The following HEXB variants were observed in gnomAD, a reference collection of about 807,000 sequenced individuals.
The protein encoded by HEXB is beta-hexosaminidase subunit beta.
A neutral mutation model predicts 71.2 loss-of-function variants in HEXB; 51 were observed. The observed-to-expected ratio is 0.72, with a 90% CI of 0.57 to 0.90. The LOEUF (loss-of-function observed/expected upper bound fraction) is 0.90. Ranked by LOEUF, HEXB falls within the 40% of genes least tolerant of loss-of-function variation. The probability of loss-of-function intolerance (pLI) is 0.00; values close to 1 mark genes in which losing one functional copy is unlikely to be tolerated. For synonymous variants in HEXB, 266 were observed against 249.3 expected, an observed-to-expected ratio of 1.07 and a Z score of -0.63; for missense variants, 617 against 677.0, an observed-to-expected ratio of 0.91 and a Z score of 0.98.
At chr5:74,655,457 C>T (rs1014721284) in intron 1 of HEXB, among the ~76,000 whole-genome samples, 3 of 151,514 alleles carry the variant, frequency 2.0e-5, no homozygotes, top group South Asian at 2.1e-4. Flanking sequence ...AGATTACAGG[C>T]CTGCACCACA....
intron 1 of HEXB, among the ~76,000 whole-genome samples, chr5:74,659,982 T>C (rs1243702301): frequency 6.6e-6 from 1 of 151,938 alleles, no homozygotes; most frequent in African/African-American, 2.4e-5. Flanking sequence ...ACTGATGGAA[T>C]GGAGAGGATT....
rs1748939383 is a variant in HEXB, at chr5:74,689,183, T to A, written c.300-145T>A. The A allele has an allele frequency of 4.3e-6, 3 of 698,656 alleles. No homozygotes were observed. The African/African-American group carries it at 5.3e-5, about 12-fold the overall frequency. 43.3% of individuals were successfully genotyped at this position (698,656 alleles called of 1,614,324 possible). The stretch of plus-strand genomic sequence containing the variant: ...CAAAAAACTTCCCAAGTGATTCTAA[T>A]GTACAGCTTGGGGTGAGAATCTCTA... On this transcript the variant is annotated intron_variant, in intron 1 of 13. Coordinates refer to ENST00000261416, the MANE Select transcript of HEXB (RefSeq NM_000521.4).
At chr5:74,719,998 G>A (rs867139978) in intron 11 of HEXB, 2 of 184,864 alleles carry the variant, frequency 1.1e-5, no homozygotes, top group South Asian at 2.2e-4. Flanking sequence ...ATGCCAAGAG[G>A]TAGAAATTAA....
intron 2 of HEXB, among the ~76,000 whole-genome samples, chr5:74,692,349 A>G (rs969915769): frequency 9.9e-5 from 15 of 151,944 alleles, no homozygotes; most frequent in Middle Eastern, 3.4e-3. Flanking sequence ...AAAAAAAAAA[A>G]AAAGAAAGAG....
chr5:74,672,524 G>C (rs1478396716), intron 1 of HEXB, among the ~76,000 whole-genome samples: 4 of 152,200 alleles, frequency 2.6e-5, no homozygotes, highest in Admixed American at 6.5e-5. Context: ...CTCTGACAGA[G>C]AGCAGAACCA....
At chr5:74,655,889 T>C (rs1219652492) in intron 1 of HEXB, among the ~76,000 whole-genome samples, 2 of 152,180 alleles carry the variant, frequency 1.3e-5, no homozygotes, top group Non-Finnish European at 2.9e-5. Flanking sequence ...CAGCTGTCAG[T>C]AGCAAATTTG....
chr5:74,718,788 C>T lies in HEXB; in HGVS notation c.1243-9C>T, dbSNP rs771008510. The T allele has an allele frequency of 6.8e-6, 11 of 1,613,492 alleles. No homozygotes were observed. Among genetic ancestry groups the T allele is most frequent in the Admixed American group, 1.7e-5 (1 of 60,000 alleles). On this transcript the variant is annotated splice_polypyrimidine_tract_variant and intron_variant, in intron 10 of 13. Transcript: ENST00000261416. The stretch of plus-strand genomic sequence containing the variant: ...TAATAATATGTATTGCAATTTGTAA[C>T]GTTAATAGCTTGCGCCGGGCACAAT...
chr5:74,699,584 C>G (rs964068276), intron 5 of HEXB, among the ~76,000 whole-genome samples: 2 of 152,032 alleles, frequency 1.3e-5, no homozygotes, highest in Admixed American at 6.6e-5. Flanking sequence ...CTTTGCTACT[C>G]TTTTAACAGT....
upstream of HEXB, among the ~76,000 whole-genome samples, chr5:74,683,955 G>A (rs1426701121): frequency 6.6e-6 from 1 of 151,786 alleles, no homozygotes; most frequent in Non-Finnish European, 1.5e-5. Context: ...TGAGTAGCTG[G>A]GATTACAGGC....
chr5:74,679,798 CAAAAAAAAAAAAA>C (rs70976121), intron 1 of HEXB, among the ~76,000 whole-genome samples: 7 of 38,890 alleles, frequency 1.8e-4, no homozygotes, highest in South Asian at 1.7e-3. Flanking sequence ...GACTCCGTCT[CAAAAAAAAAAAAA>C]AAAAAAAAAA....
intron 1 of HEXB, among the ~76,000 whole-genome samples, chr5:74,672,818 C>A (rs1346571531): frequency 1.3e-5 from 2 of 152,170 alleles, no homozygotes; most frequent in African/African-American, 2.4e-5. Flanking sequence ...ATATACAAGA[C>A]AAATCGTAGA....
At position 74,697,008 on chromosome 5, in the gene HEXB, G is replaced by T; in HGVS notation, c.571G>T (p.Glu191Ter). 1 of 1,551,172 alleles carries T rather than the reference G, an allele frequency of 6.4e-7. No individual in the cohort carries two copies. The highest frequency in any genetic ancestry group is 1.7e-5 in the Admixed American group (1 of 59,922). Residue 191 changes from glutamate to a stop codon, truncating the protein, a stop_gained, in exon 5 of 14, where the codon GAA (glutamate) becomes TAA (stop). Coordinates refer to ENST00000261416, the MANE Select transcript of HEXB (RefSeq NM_000521.4). LOFTEE classifies it high-confidence loss of function. ...TATTTTGTCATAGTTCACCATCAAT[G>T]AATCCACCATTATTGATTCTCCAAG... The part of the protein sequence containing the change: ...QDSYGTFTIN[E>*]STIIDSPRFS...
chr5:74,682,747 G>A (rs934032192), upstream of HEXB, among the ~76,000 whole-genome samples: 2 of 152,174 alleles, frequency 1.3e-5, no homozygotes, highest in Non-Finnish European at 2.9e-5. Context: ...ATAAGAATAG[G>A]GGAGAATAGT....
intron 7 of HEXB, among the ~76,000 whole-genome samples, chr5:74,714,059 T>A (rs1749616740): frequency 6.6e-6 from 1 of 152,186 alleles, no homozygotes; most frequent in African/African-American, 2.4e-5. Flanking sequence ...ATGGTCTTGA[T>A]CTCCCCTCCT....
At chr5:74,698,062 AATT>A (rs780978004) in intron 5 of HEXB, among the ~76,000 whole-genome samples, 19 of 151,240 alleles carry the variant, frequency 1.3e-4, no homozygotes, top group Middle Eastern at 3.4e-3. Flanking sequence ...GCTATTTAAA[AATT>A]ATTATTATTA....
At chr5:74,663,191 T>TTGGGG (rs113584958) in intron 1 of HEXB, among the ~76,000 whole-genome samples, 1 of 131,574 alleles carries the variant, frequency 7.6e-6, no homozygotes, top group Non-Finnish European at 1.7e-5. Context: ...TCCTTTTTTT[T>TTGGGG]GGGGGGGTGG....
chr5:74,682,031 C>A (rs1419337049), upstream of HEXB, among the ~76,000 whole-genome samples: 1 of 152,252 alleles, frequency 6.6e-6, no homozygotes, highest in Non-Finnish European at 1.5e-5. Context: ...AAACTGAGAT[C>A]TGTTGCCAAC....
intron 1 of HEXB, among the ~76,000 whole-genome samples, chr5:74,663,202 A>G (rs60924389): frequency 0.47 from 70,713 of 149,060 alleles, 18,115 homozygotes; most frequent in African/African-American, 0.64. Flanking sequence ...GGGGGGGTGG[A>G]GTGCGGTGGC....
At chr5:74,670,146 C>G (rs1748505656) in intron 1 of HEXB, among the ~76,000 whole-genome samples, 2 of 152,114 alleles carry the variant, frequency 1.3e-5, no homozygotes, top group Admixed American at 6.5e-5. Context: ...TTGATCCCCA[C>G]CCTTCACCTA....
Sources: allele counts gnomAD v4.1 joint callset (sites outside exome capture counted in the v4.1 genomes callset), GRCh38; gene constraint gnomAD v4.1.1; transcripts MANE v1.5; gene names NCBI Gene and HGNC (gene_info 2026-07-23, HGNC 2026-07-21).